The following TRPC5 variants were observed in gnomAD, a reference collection of about 807,000 sequenced individuals.
TRPC5 encodes the protein short transient receptor potential channel 5.
Under a neutral mutation model 56.5 loss-of-function variants are expected in TRPC5, and 9 were observed. The observed-to-expected ratio is 0.16, with a 90% CI of 0.10 to 0.28. The LOEUF (loss-of-function observed/expected upper bound fraction) is 0.28, where lower values mean the gene tolerates loss of function less well. Ranked by LOEUF, TRPC5 falls within the 10% of genes least tolerant of loss-of-function variation. The pLI is 1.00. For synonymous variants in TRPC5, 282 were observed against 278.5 expected (o/e 1.01, Z -0.13); for missense variants, 469 against 748.9 (o/e 0.63, Z 4.36).
intron 7 of TRPC5, among the ~76,000 whole-genome samples, chrX:111,820,450 A>G (rs1921996863): frequency 8.9e-6 from 1 of 112,415 alleles, no homozygotes; most frequent in African/African-American, 3.2e-5. Context: ...CCATGAGCTA[A>G]GAATGATTTT....
chrX:111,906,644 G>A (rs1443057411), intron 3 of TRPC5, among the ~76,000 whole-genome samples: 1 of 106,401 alleles, frequency 9.4e-6, no homozygotes, highest in Non-Finnish European at 1.9e-5. Flanking sequence ...GTTTTAAAAA[G>A]ACATGTTGTC....
chrX:112,004,963 T>C (rs1928795800), intron 1 of TRPC5, among the ~76,000 whole-genome samples: 1 of 111,722 alleles, frequency 9.0e-6, no homozygotes. Flanking sequence ...ATTTCTCATA[T>C]AGTCTTGTTC....
At chrX:111,812,838 G>T (rs1921750471) in intron 7 of TRPC5, among the ~76,000 whole-genome samples, 1 of 112,305 alleles carries the variant, frequency 8.9e-6, no homozygotes, top group Non-Finnish European at 1.9e-5. Context: ...GAATAATATG[G>T]ATGACAAAAT....
Position 111,824,229 on chromosome X carries a change from C to CA in TRPC5, c.1896+10691dup, listed in dbSNP as rs1173966332. ...TGGGTAACAGAGCAAGACCCTGTCTCAAAAAAAAAAAAAAAAAAAAATGTG... is the reference window on the plus strand; with the variant it reads ...TGGGTAACAGAGCAAGACCCTGTCTCAAAAAAAAAAAAAAAAAAAAAATGTG... On this transcript the variant is annotated intron_variant, in intron 7 of 10. Transcript: ENST00000262839. Among the ~76,000 whole-genome samples, 297 of 54,479 alleles carry CA rather than the reference C, an allele frequency of 5.5e-3. 2 individuals carry two copies. Among genetic ancestry groups the CA allele is most frequent in the South Asian group, 0.026 (22 of 841 alleles). 47.3% of individuals were successfully genotyped at this position (54,479 alleles called of 115,157 possible). A position where few individuals can be genotyped will look rare whatever the true frequency, so the allele number is the denominator to read the frequency against.
At chrX:111,820,208 C>A (rs1407058897) in intron 7 of TRPC5, among the ~76,000 whole-genome samples, 4 of 111,735 alleles carry the variant, frequency 3.6e-5, no homozygotes, top group African/African-American at 1.3e-4. Context: ...AGAGATATCC[C>A]CAACCTTTTC....
At chrX:111,928,947 CTT>C (rs748607288) in intron 2 of TRPC5, among the ~76,000 whole-genome samples, 2 of 112,240 alleles carry the variant, frequency 1.8e-5, no homozygotes, top group Non-Finnish European at 3.8e-5. Context: ...TCAAAGCAGT[CTT>C]TCACTCTGCA....
intron 1 of TRPC5, among the ~76,000 whole-genome samples, chrX:111,990,016 A>G (rs1242579003): frequency 8.9e-6 from 1 of 112,452 alleles, no homozygotes; most frequent in African/African-American, 3.2e-5. Flanking sequence ...TTCTATTCCG[A>G]ATTAAAAATA....
At chrX:112,064,448 G>A (rs1231858477) in intron 1 of TRPC5, among the ~76,000 whole-genome samples, 1 of 112,013 alleles carries the variant, frequency 8.9e-6, no homozygotes, top group Non-Finnish European at 1.9e-5. Flanking sequence ...GCAACTGGAA[G>A]AAAGATATAT....
At position 111,772,342 on chromosome X, in the gene TRPC5, G is replaced by A. The variant is rs1202071742; in HGVS notation, c.*3971C>T. ...TATGAAGAGGTTATTTAAATGATCT[G>A]AACACTTGGATCAATTTGCATTGAC... On this transcript the variant is annotated 3_prime_UTR_variant, in exon 11 of 11. Transcript: ENST00000262839. 8.9e-6 allele frequency among the ~76,000 whole-genome samples: 1 copy of A among 112,271 alleles called. No individual in the cohort carries two copies. Among genetic ancestry groups the A allele is most frequent in the East Asian group, 2.8e-4 (1 of 3,576 alleles).
rs961913317 is a variant in TRPC5 at position 112,081,504 on chromosome X, T to C, written c.-22+375A>G. Among the ~76,000 whole-genome samples the C allele has an allele frequency of 3.6e-5, 4 of 111,350 alleles. No individual in the cohort carries two copies. In the East Asian group the frequency reaches 1.1e-3, roughly 32 times the overall value. ...ATCCTTGGTCCGAGGGCCACACTAA[T>C]CGATTTTAAGGAGGCCTGGGAGCAG... On this transcript the variant is annotated intron_variant, in intron 1 of 10. Coordinates refer to ENST00000262839, the MANE Select transcript of TRPC5 (RefSeq NM_012471.3).
At chrX:111,780,709 A>C (rs1315760692) in intron 9 of TRPC5, among the ~76,000 whole-genome samples, 1 of 111,971 alleles carries the variant, frequency 8.9e-6, no homozygotes, top group East Asian at 2.8e-4. Flanking sequence ...TACACAGTTC[A>C]ATCCTCTGTT....
At chrX:111,969,236 G>T (rs1191748221) in intron 1 of TRPC5, among the ~76,000 whole-genome samples, 2 of 110,767 alleles carry the variant, frequency 1.8e-5, no homozygotes, top group Non-Finnish European at 3.8e-5. Flanking sequence ...TTAAAATTAA[G>T]GTTTGTATAT....
chrX:111,991,030 C>T (rs1395261072), intron 1 of TRPC5, among the ~76,000 whole-genome samples: 2 of 111,718 alleles, frequency 1.8e-5, no homozygotes, highest in African/African-American at 3.3e-5. Context: ...GTAAAAGAGA[C>T]AGAAAAATTG....
chrX:112,030,432 A>G (rs1479145896), intron 1 of TRPC5, among the ~76,000 whole-genome samples: 2 of 112,434 alleles, frequency 1.8e-5, no homozygotes, highest in Non-Finnish European at 1.9e-5. Context: ...GTTAATCGCT[A>G]TAGCATTCCG....
intron 3 of TRPC5, among the ~76,000 whole-genome samples, chrX:111,898,251 TTATATATATA>T (rs58112324): frequency 3.2e-5 from 3 of 92,395 alleles, no homozygotes; most frequent in African/African-American, 7.8e-5. Context: ...GTAGGGGTTC[TTATATATATA>T]TATATATATA....
At chrX:111,983,054 A>G (rs1928122817) in intron 1 of TRPC5, among the ~76,000 whole-genome samples, 1 of 111,843 alleles carries the variant, frequency 8.9e-6, no homozygotes, top group African/African-American at 3.3e-5. Flanking sequence ...ATAGTGAAGA[A>G]TATGGTAAGA....
intron 3 of TRPC5, among the ~76,000 whole-genome samples, chrX:111,897,807 A>G (rs747737642): frequency 8.1e-5 from 9 of 110,998 alleles, no homozygotes; most frequent in Non-Finnish European, 1.7e-4. Context: ...AGCTCTTTCT[A>G]CTTTTTGGTG....
chrX:112,021,294 C>T (rs913439393), intron 1 of TRPC5, among the ~76,000 whole-genome samples: 2 of 111,476 alleles, frequency 1.8e-5, no homozygotes, highest in Admixed American at 9.6e-5. Context: ...TATGTCAACC[C>T]ATACAGTAAG....
chrX:112,011,188 C>T (rs1928982782), intron 1 of TRPC5, among the ~76,000 whole-genome samples: 1 of 111,145 alleles, frequency 9.0e-6, no homozygotes, highest in Non-Finnish European at 1.9e-5. Flanking sequence ...TAAGAAAGTG[C>T]CCCCCAATTT....
Sources: allele counts gnomAD v4.1 joint callset (sites outside exome capture counted in the v4.1 genomes callset), GRCh38; gene constraint gnomAD v4.1.1; transcripts MANE v1.5; gene names NCBI Gene and HGNC (gene_info 2026-07-23, HGNC 2026-07-21).